The following GNAO1 variants were observed in gnomAD, a reference collection of about 807,000 sequenced individuals.
GNAO1 encodes G protein subunit alpha o1, also known as guanine nucleotide-binding protein G(o) subunit alpha.
For synonymous variants in GNAO1, 164 were observed against 180.7 expected, an observed-to-expected ratio of 0.91 and a Z score of 0.74; for missense variants, 166 against 478.7, an observed-to-expected ratio of 0.35 and a Z score of 6.10.
At chr16:56,222,809 G>C (rs1314065556) in intron 2 of GNAO1, among the ~76,000 whole-genome samples, 1 of 152,118 alleles carries the variant, frequency 6.6e-6, no homozygotes, top group Non-Finnish European at 1.5e-5. Context: ...ATGTGACACG[G>C]CTTTGCTGCT....
At chr16:56,325,339 G>A (rs1387783707) in intron 3 of GNAO1, among the ~76,000 whole-genome samples, 9 of 152,190 alleles carry the variant, frequency 5.9e-5, no homozygotes, top group African/African-American at 2.2e-4. Context: ...AGCCGGGCGT[G>A]GTGGCACATG....
intron 2 of GNAO1, among the ~76,000 whole-genome samples, chr16:56,215,414 T>C (rs773137992): frequency 6.6e-6 from 1 of 152,188 alleles, no homozygotes; most frequent in Non-Finnish European, 1.5e-5. Flanking sequence ...CGGGAGCCAA[T>C]TGAAGAGAAG....
chr16:56,346,305 G>C (rs1330465765), intron 6 of GNAO1: 53 of 985,302 alleles, frequency 5.4e-5, no homozygotes, highest in Non-Finnish European at 5.9e-5. Flanking sequence ...GATGTGGGAG[G>C]AATGTTGCGA....
chr16:56,261,723 G>C (rs1441808256), intron 2 of GNAO1, among the ~76,000 whole-genome samples: 1 of 152,120 alleles, frequency 6.6e-6, no homozygotes, highest in African/African-American at 2.4e-5. Context: ...CTCAGCCGCT[G>C]CAAAATGGGA....
chr16:56,216,212 A>C (rs1039401368), intron 2 of GNAO1, among the ~76,000 whole-genome samples: 1 of 152,246 alleles, frequency 6.6e-6, no homozygotes, highest in Non-Finnish European at 1.5e-5. Context: ...ATGTACATTT[A>C]AGATGTGTAT....
At chr16:56,340,760 G>A in intron 6 of GNAO1, 9 of 1,348,224 alleles carry the variant, frequency 6.7e-6, no homozygotes, top group South Asian at 1.3e-5. Context: ...TGCTTGTCCC[G>A]CTGTGTCATT....
At chr16:56,267,017 A>C (rs994681636) in intron 2 of GNAO1, among the ~76,000 whole-genome samples, 3 of 152,200 alleles carry the variant, frequency 2.0e-5, no homozygotes, top group Non-Finnish European at 4.4e-5. Context: ...CTTAGTCCTC[A>C]GTCTTGATGG....
chr16:56,346,511 T>C (rs1340336108), intron 6 of GNAO1: 1 of 985,302 alleles, frequency 1.0e-6, no homozygotes, highest in Non-Finnish European at 1.2e-6. Context: ...CCGCTGACCA[T>C]CCTAAGAACC....
At chr16:56,233,520 C>T (rs1184251282) in intron 2 of GNAO1, among the ~76,000 whole-genome samples, 2 of 152,168 alleles carry the variant, frequency 1.3e-5, no homozygotes, top group African/African-American at 4.8e-5. Context: ...GAATGAGAAG[C>T]CAGCACCCAT....
At chr16:56,237,615 T>C (rs967226552) in intron 2 of GNAO1, among the ~76,000 whole-genome samples, 2 of 152,216 alleles carry the variant, frequency 1.3e-5, no homozygotes, top group Non-Finnish European at 1.5e-5. Flanking sequence ...CCATGTGTTT[T>C]TGGGAAGCAC....
chr16:56,304,974 T>A lies in GNAO1; in HGVS notation c.304-23657T>A, dbSNP rs2037379765. 1.3e-5 allele frequency among the ~76,000 whole-genome samples: 2 copies of A among 152,242 alleles called. 1 individual carries two copies. Among genetic ancestry groups the A allele is most frequent in the South Asian group, 4.1e-4 (2 of 4,830 alleles). On this transcript the variant is annotated intron_variant, in intron 3 of 8. Coordinates refer to ENST00000262493, the MANE Select transcript of GNAO1 (RefSeq NM_020988.3). ...TGGAAGCATCCAGGACAGGTAGGGTTAGCCGGCCCCTTATTCTGCTCCCCC... is the reference window on the plus strand; with the variant it reads ...TGGAAGCATCCAGGACAGGTAGGGTAAGCCGGCCCCTTATTCTGCTCCCCC...
rs13333743 is a variant in GNAO1 at position 56,297,571 on chromosome 16, G to A, written c.303+21499G>A. 4.4e-3 allele frequency among the ~76,000 whole-genome samples: 592 copies of A among 133,748 alleles called. 4 individuals are homozygous for A. The highest frequency in any genetic ancestry group is 0.015 in the African/African-American group (554 of 35,746). 87.7% of individuals were successfully genotyped at this position (133,748 alleles called of 152,430 possible). On this transcript the variant is annotated intron_variant, in intron 3 of 8. Coordinates refer to ENST00000262493, the MANE Select transcript of GNAO1 (RefSeq NM_020988.3). ...TGTGTGTGTGTGTGTGTGTGTGTGT[G>A]TATGCATGTGTTTAAAAGGTGGGAA...
intron 3 of GNAO1, among the ~76,000 whole-genome samples, chr16:56,300,062 TGCTTGTGA>T (rs2037330316): frequency 1.3e-5 from 1 of 76,056 alleles, no homozygotes; most frequent in African/African-American, 5.9e-5. Context: ...CACGCACATG[TGCTTGTGA>T]GTGTGTCTGT....
intron 6 of GNAO1, among the ~76,000 whole-genome samples, chr16:56,341,497 G>A (rs1234176606): frequency 6.6e-6 from 1 of 152,256 alleles, no homozygotes; most frequent in Non-Finnish European, 1.5e-5. Context: ...TGATGGGCAC[G>A]CAGAGCTTCG....
intron 2 of GNAO1, among the ~76,000 whole-genome samples, chr16:56,244,612 G>A (rs914422507): frequency 1.6e-4 from 25 of 152,072 alleles, no homozygotes; most frequent in Admixed American, 6.5e-4. Flanking sequence ...CTTCCGCTGC[G>A]ATTCTCTAAG....
At chr16:56,329,633 G>C (rs1252150754) in intron 4 of GNAO1, among the ~76,000 whole-genome samples, 1 of 152,170 alleles carries the variant, frequency 6.6e-6, no homozygotes, top group African/African-American at 2.4e-5. Context: ...TGCCCCCTTG[G>C]CTTTCGGGAA....
chr16:56,336,594 T>C (rs1470999802), intron 5 of GNAO1, 137 bp from the exon 6 acceptor site: 10 of 703,634 alleles, frequency 1.4e-5, no homozygotes, highest in Non-Finnish European at 2.3e-5. Flanking sequence ...AGTGACAAGG[T>C]CTTCTAGTGA....
intron 3 of GNAO1, among the ~76,000 whole-genome samples, chr16:56,284,292 C>T (rs1250993622): frequency 6.6e-6 from 1 of 152,182 alleles, no homozygotes; most frequent in Non-Finnish European, 1.5e-5. Flanking sequence ...AATTCTAGCT[C>T]TCCAGGGCTC....
At chr16:56,309,361 G>A (rs1262998812) in intron 3 of GNAO1, among the ~76,000 whole-genome samples, 1 of 152,180 alleles carries the variant, frequency 6.6e-6, no homozygotes, top group Non-Finnish European at 1.5e-5. Flanking sequence ...GATGATAGGA[G>A]GAGGTAGGGA....
Sources: allele counts gnomAD v4.1 joint callset (sites outside exome capture counted in the v4.1 genomes callset), GRCh38; gene constraint gnomAD v4.1.1; transcripts MANE v1.5; gene names NCBI Gene and HGNC (gene_info 2026-07-23, HGNC 2026-07-21).